The following FBXL13 variants were observed in gnomAD, a reference collection of about 807,000 sequenced individuals.
FBXL13 encodes F-box and leucine-rich repeat protein 13.
In FBXL13, 67 loss-of-function variants were observed where a neutral mutation model predicts 83.6. The ratio of observed to expected loss-of-function variants is 0.80; its 90% CI spans 0.66 to 0.98. FBXL13 has a LOEUF of 0.98. Among genes scored for constraint, FBXL13 ranks in the 50% least tolerant of loss-of-function variants. The pLI, the probability that FBXL13 is intolerant of heterozygous loss-of-function variation, is 0.00. For missense variants in FBXL13, 822 were observed against 866.5 expected (o/e 0.95, Z 0.64); for synonymous variants, 272 against 299.5 (o/e 0.91, Z 0.95).
chr7:102,814,999 T>C (rs1447003647), intron 19 of FBXL13, among the ~76,000 whole-genome samples: 1 of 152,204 alleles, frequency 6.6e-6, no homozygotes, highest in East Asian at 1.9e-4. Flanking sequence ...ATCATATCTT[T>C]CAACACATTT....
chr7:103,050,180 A>G (rs532013554), intron 2 of FBXL13: 5 of 152,300 alleles, frequency 3.3e-5, no homozygotes, highest in African/African-American at 1.2e-4. Flanking sequence ...TTTTTTTTGT[A>G]TCAATCAAAA....
rs140628006 is a variant in FBXL13, at chr7:102,844,304, G to A, written c.1719+10473C>T. ...GACGATTATCGAAGTCTGAATCTTC[G>A]CCTCCCCTCCAAACCAGAAAATATA... On this transcript the variant is annotated intron_variant, in intron 17 of 19. Transcript: ENST00000313221. 3.5e-3 allele frequency among the ~76,000 whole-genome samples: 531 copies of A among 152,188 alleles called. 3 individuals are homozygous for A. The highest frequency in any genetic ancestry group is 0.012 in the African/African-American group (517 of 41,508).
intron 1 of FBXL13, among the ~76,000 whole-genome samples, chr7:103,065,821 G>A (rs1798339394): frequency 6.6e-6 from 1 of 152,216 alleles, no homozygotes; most frequent in South Asian, 2.1e-4. Flanking sequence ...AAGGCTTGGT[G>A]AACAGGACCC....
chr7:102,979,654 GT>G (rs1827948542), intron 6 of FBXL13, among the ~76,000 whole-genome samples: 1 of 152,182 alleles, frequency 6.6e-6, no homozygotes, highest in Non-Finnish European at 1.5e-5. Flanking sequence ...TGTATGTTAT[GT>G]TTTATTTCTT....
chr7:102,963,399 T>C (rs1244080014), intron 8 of FBXL13, 134 bp downstream of exon 9: 2 of 1,034,688 alleles, frequency 1.9e-6, no homozygotes, highest in African/African-American at 1.6e-5. Context: ...TATACACTTA[T>C]TAAATGGTTA....
chr7:103,045,255 A>T (rs1034375675), intron 2 of FBXL13, among the ~76,000 whole-genome samples: 1 of 152,184 alleles, frequency 6.6e-6, no homozygotes, highest in African/African-American at 2.4e-5. Context: ...ATTGGCCAAG[A>T]CTCAGCTATT....
intron 6 of FBXL13, among the ~76,000 whole-genome samples, chr7:102,982,082 C>A (rs1486977452): frequency 6.6e-6 from 1 of 151,938 alleles, no homozygotes; most frequent in Admixed American, 6.6e-5. Flanking sequence ...AGTAGCAGTC[C>A]CACTTCTCCT....
intron 2 of FBXL13, among the ~76,000 whole-genome samples, chr7:103,045,151 C>G (rs115523217): frequency 0.011 from 1,674 of 152,338 alleles, 35 homozygotes; most frequent in African/African-American, 0.039. Context: ...GTGAGGTACA[C>G]AACAGCTGGA....
At chr7:102,860,000 G>C (rs11982617) in intron 16 of FBXL13, among the ~76,000 whole-genome samples, 6 of 151,916 alleles carry the variant, frequency 3.9e-5, no homozygotes, top group Admixed American at 3.9e-4. Flanking sequence ...AATCTTAGGG[G>C]CCCAGGAGTC....
chr7:103,025,153 A>G, exon 6 of FBXL13: 2 of 1,612,006 alleles, frequency 1.2e-6, no homozygotes, highest in Non-Finnish European at 1.7e-6. Flanking sequence ...GTTCAGGAAA[A>G]TTGGATTCTT....
At chr7:102,978,905 A>G (rs1827841361) in intron 6 of FBXL13, among the ~76,000 whole-genome samples, 2 of 152,252 alleles carry the variant, frequency 1.3e-5, no homozygotes, top group African/African-American at 2.4e-5. Flanking sequence ...ATAATGAAAG[A>G]TAATATCAAA....
intron 19 of FBXL13, among the ~76,000 whole-genome samples, chr7:102,818,591 C>G (rs1274458334): frequency 6.6e-6 from 1 of 152,104 alleles, no homozygotes; most frequent in African/African-American, 2.4e-5. Context: ...CAACACAGAT[C>G]TCCTAGAATG....
chr7:102,904,695 GCAT>G (rs1480637354), intron 11 of FBXL13, among the ~76,000 whole-genome samples: 1 of 151,840 alleles, frequency 6.6e-6, no homozygotes, highest in Non-Finnish European at 1.5e-5. Context: ...TCTTTAAGAT[GCAT>G]CATCAGATTG....
intron 8 of FBXL13, among the ~76,000 whole-genome samples, chr7:102,959,167 T>A (rs933136385): frequency 9.9e-5 from 15 of 152,250 alleles, no homozygotes; most frequent in African/African-American, 3.6e-4. Context: ...GAGAGCTTAA[T>A]ACATGGTCAG....
chr7:102,834,050 A>AAGGG (rs1306395931), intron 17 of FBXL13, among the ~76,000 whole-genome samples: 4 of 109,948 alleles, frequency 3.6e-5, no homozygotes, highest in South Asian at 3.1e-4. Flanking sequence ...GGAAGGAAGG[A>AAGGG]AGGAAGGAAG....
At chr7:103,005,018 G>C (rs1563207978) in intron 6 of FBXL13, among the ~76,000 whole-genome samples, 1 of 152,174 alleles carries the variant, frequency 6.6e-6, no homozygotes, top group African/African-American at 2.4e-5. Context: ...GTATGACTCA[G>C]TATAGGTCAA....
intron 12 of FBXL13, among the ~76,000 whole-genome samples, chr7:102,883,978 C>T (rs190633493): frequency 6.6e-6 from 1 of 152,242 alleles, no homozygotes; most frequent in East Asian, 1.9e-4. Context: ...AAAGTTTGTG[C>T]TTAGGCTGTA....
chr7:103,007,720 G>A (rs532984095), intron 6 of FBXL13, among the ~76,000 whole-genome samples: 33 of 152,112 alleles, frequency 2.2e-4, no homozygotes, highest in African/African-American at 7.5e-4. Context: ...AACCCCTTCC[G>A]TTACCCTTTT....
rs113995250 is a variant in FBXL13, at chr7:102,862,039, G to A, written c.1636-7179C>T. Among the ~76,000 whole-genome samples the A allele has an allele frequency of 1.9e-3, 281 of 150,590 alleles. 1 individual carries two copies. The highest frequency in any genetic ancestry group is 6.5e-3 in the African/African-American group (268 of 40,978). ...GTGTGTGTATAGTGTATGTATATGT[G>A]TATTAAAAGAAACAGACGTTTTGGG... On this transcript the variant is annotated intron_variant, in intron 16 of 19. Coordinates refer to ENST00000313221, the Ensembl canonical transcript of FBXL13.
Sources: gnomAD v4.1 joint callset for allele counts (sites outside exome capture counted in the v4.1 genomes callset) on GRCh38, gnomAD v4.1.1 for gene constraint, MANE v1.5 for transcripts, NCBI Gene and HGNC (gene_info 2026-07-23, HGNC 2026-07-21) for gene names.